Variants in SLC17A5 observed in about 807,000 individuals in gnomAD.
The protein encoded by SLC17A5 is solute carrier family 17 member 5.
In SLC17A5, 47 loss-of-function variants were observed where a neutral mutation model predicts 59.4. That is an observed-to-expected ratio of 0.79 (90% CI 0.63 to 1.01). SLC17A5 has a LOEUF of 1.01. Among genes scored for constraint, SLC17A5 ranks in the 50% least tolerant of loss-of-function variants. The pLI, the probability that SLC17A5 is intolerant of heterozygous loss-of-function variation, is 0.00. For missense variants in SLC17A5, 522 were observed against 595.5 expected, an observed-to-expected ratio of 0.88 and a Z score of 1.28; for synonymous variants, 202 against 210.7, an observed-to-expected ratio of 0.96 and a Z score of 0.36.
chr6:73,644,042 G>A (rs1769424545), intron 2 of SLC17A5, among the ~76,000 whole-genome samples: 1 of 152,108 alleles, frequency 6.6e-6, no homozygotes, highest in Non-Finnish European at 1.5e-5. Flanking sequence ...TCTTGCAGCT[G>A]TAACTCTATA....
At chr6:73,653,332 C>T in intron 1 of SLC17A5, 1 of 985,460 alleles carries the variant, frequency 1.0e-6, no homozygotes, top group Non-Finnish European at 1.2e-6. Flanking sequence ...CAGCCCTCTG[C>T]CTACTGATCT....
intron 6 of SLC17A5, among the ~76,000 whole-genome samples, chr6:73,629,034 T>A (rs1361849234): frequency 6.6e-6 from 1 of 152,212 alleles, no homozygotes; most frequent in Non-Finnish European, 1.5e-5. Context: ...TGCTTCGCAA[T>A]GCTGCAAAAT....
intron 9 of SLC17A5, 28 bp downstream of exon 9, chr6:73,610,372 C>T (rs371657411): frequency 1.2e-6 from 2 of 1,612,486 alleles, no homozygotes; most frequent in Non-Finnish European, 1.7e-6. Context: ...TAAAGTCAAT[C>T]ACAGCAAATC....
At chr6:73,643,192 C>T (rs117243860) in intron 2 of SLC17A5, among the ~76,000 whole-genome samples, 5,295 of 151,522 alleles carry the variant, frequency 0.035, 113 homozygotes, top group Non-Finnish European at 0.043. Flanking sequence ...GACGGAATCT[C>T]GCTGTGGCCC....
Position 73,594,528 on chromosome 6 carries a change from G to A in SLC17A5, c.*549C>T, listed in dbSNP as rs369573567. On this transcript the variant is annotated 3_prime_UTR_variant, in exon 11 of 11. Transcript: ENST00000355773. ...GGCTTGGATGCTGCCTCTGATAAAC[G>A]CTGGGCACTCTGACCCTGAAGCCAG... 4.7e-5 allele frequency: 8 copies of A among 169,998 alleles called. No individual in the cohort carries two copies. Among genetic ancestry groups the A allele is most frequent in the South Asian group, 1.5e-4 (1 of 6,672 alleles). 10.5% of individuals were successfully genotyped at this position (169,998 alleles called of 1,614,324 possible).
intron 6 of SLC17A5, among the ~76,000 whole-genome samples, chr6:73,634,970 C>T (rs181861193): frequency 6.6e-6 from 1 of 152,100 alleles, no homozygotes; most frequent in African/African-American, 2.4e-5. Flanking sequence ...ATAATCACTA[C>T]ACTAAAAGGT....
intron 3 of SLC17A5, among the ~76,000 whole-genome samples, chr6:73,640,821 G>T (rs1488959728): frequency 6.6e-6 from 1 of 152,006 alleles, no homozygotes; most frequent in Non-Finnish European, 1.5e-5. Flanking sequence ...ACTATTAAGA[G>T]GAGGGAAATA....
At chr6:73,609,295 A>T (rs964513366) in intron 9 of SLC17A5, among the ~76,000 whole-genome samples, 1 of 152,238 alleles carries the variant, frequency 6.6e-6, no homozygotes, top group Non-Finnish European at 1.5e-5. Flanking sequence ...GTAGCTGTAG[A>T]AAGAATTTTG....
At chr6:73,601,838 C>A (rs1163286918) in intron 9 of SLC17A5, among the ~76,000 whole-genome samples, 1 of 150,360 alleles carries the variant, frequency 6.7e-6, no homozygotes, top group Non-Finnish European at 1.5e-5. Flanking sequence ...CCCTGCCCGG[C>A]CAGCCGCCCC....
At chr6:73,600,510 T>A in intron 9 of SLC17A5, 69 bp from the exon 10 acceptor site, 18 of 156,302 alleles carry the variant, frequency 1.2e-4, no homozygotes, top group Non-Finnish European at 1.6e-4. Context: ...CTTTCCTTCT[T>A]TTTTTTTTTT....
At position 73,646,709 on chromosome 6, in the gene SLC17A5, TG is replaced by T. The variant is rs957025604; in HGVS notation, c.95-2107del. Among the ~76,000 whole-genome samples the T allele has an allele frequency of 1.3e-3, 195 of 152,252 alleles. 1 individual carries two copies. The highest frequency in any genetic ancestry group is 4.6e-3 in the African/African-American group (192 of 41,556). ...TTTTTTTAGAGACAGGGTCTTGCTC[TG>T]TTGCCCAAGCTGGAGTACAGTGGGT... On this transcript the variant is annotated intron_variant, in intron 1 of 10. Coordinates refer to ENST00000355773, the MANE Select transcript of SLC17A5 (RefSeq NM_012434.5).
chr6:73,638,540 T>C (rs1266725421), intron 3 of SLC17A5, 41 bp from the exon 4 acceptor site: 2 of 1,472,964 alleles, frequency 1.4e-6, no homozygotes, highest in African/African-American at 2.8e-5. Context: ...AAATGTAAGG[T>C]AGTTTTGTTA....
chr6:73,594,231 G>C lies in SLC17A5; in HGVS notation c.*846C>G, dbSNP rs988346507. 2.0e-5 allele frequency: 3 copies of C among 152,120 alleles called. No homozygotes were observed. The highest frequency in any genetic ancestry group is 7.2e-5 in the African/African-American group (3 of 41,404). The allele number at this position is 152,120 out of a possible 1,614,324, so 9.4% of individuals were successfully genotyped here. A position where few individuals can be genotyped will look rare whatever the true frequency, so the allele number is the denominator to read the frequency against. On this transcript the variant is annotated 3_prime_UTR_variant, in exon 11 of 11. Coordinates refer to ENST00000355773, the MANE Select transcript of SLC17A5 (RefSeq NM_012434.5). ...GATGGGGTTTCACCATGCTGGCCAG[G>C]CTGGTCTCGAACTCCTGATCTCATG...
intron 6 of SLC17A5, among the ~76,000 whole-genome samples, chr6:73,625,933 C>G (rs568483259): frequency 6.6e-6 from 1 of 152,146 alleles, no homozygotes; most frequent in African/African-American, 2.4e-5. Flanking sequence ...AAAAAGTCTG[C>G]CCTTATCCTT....
chr6:73,643,538 G>T (rs539631236), intron 2 of SLC17A5, among the ~76,000 whole-genome samples: 26 of 151,996 alleles, frequency 1.7e-4, no homozygotes, highest in Admixed American at 1.4e-3. Flanking sequence ...GTGGAATGGC[G>T]TGATCTCGGC....
intron 1 of SLC17A5, among the ~76,000 whole-genome samples, chr6:73,647,787 G>A (rs1769649870): frequency 6.6e-6 from 1 of 152,196 alleles, no homozygotes; most frequent in African/African-American, 2.4e-5. Context: ...ATAAAAAGCG[G>A]CCAGGCACGG....
intron 10 of SLC17A5, among the ~76,000 whole-genome samples, chr6:73,597,647 T>C (rs1168029894): frequency 6.6e-6 from 1 of 151,872 alleles, no homozygotes; most frequent in Non-Finnish European, 1.5e-5. Flanking sequence ...TAGCTGGACA[T>C]GGTAGTGTAC....
At chr6:73,613,831 G>A (rs1767734212) in intron 8 of SLC17A5, among the ~76,000 whole-genome samples, 1 of 152,120 alleles carries the variant, frequency 6.6e-6, no homozygotes, top group Non-Finnish European at 1.5e-5. Context: ...AAAAAATATG[G>A]CTGGGGGCTG....
intron 6 of SLC17A5, among the ~76,000 whole-genome samples, chr6:73,624,296 TAA>T (rs1768296244): frequency 6.6e-6 from 1 of 151,822 alleles, no homozygotes; most frequent in African/African-American, 2.4e-5. Flanking sequence ...TCCAGCTGGT[TAA>T]GAGTCTGAGG....
Sources: gnomAD v4.1 joint callset for allele counts (sites outside exome capture counted in the v4.1 genomes callset) on GRCh38, gnomAD v4.1.1 for gene constraint, MANE v1.5 for transcripts, NCBI Gene and HGNC (gene_info 2026-07-23, HGNC 2026-07-21) for gene names.